CHIC2: variants seen among roughly 807,000 people sequenced by gnomAD.
CHIC2 encodes cysteine rich hydrophobic domain 2.
CHIC2 carries 14 observed loss-of-function variants against 25.9 expected under a neutral mutation model. That is an observed-to-expected ratio of 0.54 (90% confidence interval 0.36 to 0.85). The LOEUF (loss-of-function observed/expected upper bound fraction) is 0.85, where lower values mean the gene tolerates loss of function less well. CHIC2 is among the 40% of genes least tolerant of loss of function. The pLI, the probability that CHIC2 is intolerant of heterozygous loss-of-function variation, is 0.01. For synonymous variants in CHIC2, 70 were observed against 72.0 expected, an observed-to-expected ratio of 0.97 and a Z score of 0.14; for missense variants, 146 against 202.0, an observed-to-expected ratio of 0.72 and a Z score of 1.68.
chr4:54,010,359 T>C (rs923757742), intron 5 of CHIC2, among the ~76,000 whole-genome samples: 4 of 152,082 alleles, frequency 2.6e-5, no homozygotes, highest in East Asian at 1.9e-4. Context: ...ACGAAATACC[T>C]TGGCTCTATG....
the CHIC2 span, among the ~76,000 whole-genome samples, chr4:54,080,811 A>G: frequency 6.7e-4 from 101 of 151,380 alleles, no homozygotes; most frequent in Middle Eastern, 0.024. Flanking sequence ...GACAATGGTT[A>G]ATACTGCATT....
At chr4:54,079,676 A>G in the CHIC2 span, among the ~76,000 whole-genome samples, 1 of 152,176 alleles carries the variant, frequency 6.6e-6, no homozygotes, top group Non-Finnish European at 1.5e-5. Flanking sequence ...CCTCAGCATT[A>G]CTAATCATCA....
At chr4:54,049,344 A>G (rs1214066569) in intron 1 of CHIC2, 39 bp from the exon 2 acceptor site, 38 of 1,346,596 alleles carry the variant, frequency 2.8e-5, no homozygotes, top group Non-Finnish European at 3.5e-5. Flanking sequence ...ATTACATGTT[A>G]TTGTTGCCAA....
chr4:54,045,376 T>A (rs911032572), intron 3 of CHIC2, among the ~76,000 whole-genome samples: 1 of 152,184 alleles, frequency 6.6e-6, no homozygotes, highest in Non-Finnish European at 1.5e-5. Flanking sequence ...ATATCCTTGA[T>A]GAACAGTGAT....
chr4:54,080,818 C>T, the CHIC2 span, among the ~76,000 whole-genome samples: 3 of 150,654 alleles, frequency 2.0e-5, no homozygotes, highest in Non-Finnish European at 3.0e-5. Context: ...GTTAATACTG[C>T]ATTGTATACT....
chr4:54,031,722 C>T (rs774438379), intron 3 of CHIC2, among the ~76,000 whole-genome samples: 8 of 148,688 alleles, frequency 5.4e-5, no homozygotes, highest in Non-Finnish European at 1.2e-4. Flanking sequence ...TGGGTTCAAG[C>T]GATTCTGCTG....
intron 3 of CHIC2, among the ~76,000 whole-genome samples, chr4:54,017,495 G>A (rs1383829994): frequency 6.6e-6 from 1 of 152,158 alleles, no homozygotes; most frequent in Non-Finnish European, 1.5e-5. Context: ...AAGGGGCAGT[G>A]CAGGCTTTAG....
chr4:54,073,127 T>C, the CHIC2 span, among the ~76,000 whole-genome samples: 1 of 152,190 alleles, frequency 6.6e-6, no homozygotes, highest in Non-Finnish European at 1.5e-5. Flanking sequence ...AACATGCCCA[T>C]TTACTTCAAC....
At chr4:54,084,128 C>A in the CHIC2 span, among the ~76,000 whole-genome samples, 1 of 152,314 alleles carries the variant, frequency 6.6e-6, no homozygotes, top group South Asian at 2.1e-4. Context: ...CACTATCACA[C>A]ACTTACTTGA....
At chr4:54,070,678 C>T in the CHIC2 span, among the ~76,000 whole-genome samples, 3 of 152,148 alleles carry the variant, frequency 2.0e-5, no homozygotes, top group Non-Finnish European at 4.4e-5. Context: ...CCAACTCGGC[C>T]TCCCAAAGTG....
intron 1 of CHIC2, among the ~76,000 whole-genome samples, chr4:54,053,985 T>C (rs369583862): frequency 6.6e-6 from 1 of 152,164 alleles, no homozygotes; most frequent in African/African-American, 2.4e-5. Context: ...GAGACGGGGT[T>C]TCACCATGTT....
At chr4:54,081,541 T>C in the CHIC2 span, among the ~76,000 whole-genome samples, 1 of 152,210 alleles carries the variant, frequency 6.6e-6, no homozygotes, top group African/African-American at 2.4e-5. Flanking sequence ...TGTAACATAC[T>C]GCTATGGAAA....
chr4:54,058,310 C>T (rs771510583), intron 1 of CHIC2, among the ~76,000 whole-genome samples: 5 of 152,020 alleles, frequency 3.3e-5, no homozygotes, highest in South Asian at 4.1e-4. Context: ...TTATCTCTTT[C>T]GCAGATGAAA....
chr4:54,019,911 A>C (rs1039759708), intron 3 of CHIC2, among the ~76,000 whole-genome samples: 1 of 152,104 alleles, frequency 6.6e-6, no homozygotes, highest in African/African-American at 2.4e-5. Context: ...AAAATTATCC[A>C]AAAAATTAAG....
At chr4:54,033,970 T>C (rs1716307585) in intron 3 of CHIC2, among the ~76,000 whole-genome samples, 1 of 152,032 alleles carries the variant, frequency 6.6e-6, no homozygotes. Context: ...CTTTTCAGAG[T>C]TGTTTTGCTT....
At chr4:54,042,065 G>A (rs984374571) in intron 3 of CHIC2, among the ~76,000 whole-genome samples, 3 of 149,658 alleles carry the variant, frequency 2.0e-5, no homozygotes, top group African/African-American at 7.4e-5. Flanking sequence ...ATCTTACAAA[G>A]CACCTCTTTC....
chr4:54,015,947 G>A (rs895170125), intron 3 of CHIC2, among the ~76,000 whole-genome samples: 4 of 152,192 alleles, frequency 2.6e-5, no homozygotes, highest in African/African-American at 9.6e-5. Context: ...GGTGAAAAAT[G>A]GCAATAGGTT....
chr4:54,073,656 T>A, the CHIC2 span, among the ~76,000 whole-genome samples: 1 of 152,114 alleles, frequency 6.6e-6, no homozygotes, highest in East Asian at 1.9e-4. Context: ...ATTCACCAAT[T>A]CCTAACCTCC....
At chr4:54,054,214 T>C (rs569112002) in intron 1 of CHIC2, among the ~76,000 whole-genome samples, 1 of 152,266 alleles carries the variant, frequency 6.6e-6, no homozygotes, top group Non-Finnish European at 1.5e-5. Context: ...TCAATAGTTT[T>C]CTTGAATGCA....
Sources: allele counts gnomAD v4.1 joint callset (sites outside exome capture counted in the v4.1 genomes callset), GRCh38; gene constraint gnomAD v4.1.1; transcripts MANE v1.5; gene names NCBI Gene and HGNC (gene_info 2026-07-23, HGNC 2026-07-21).